The following WDR91 variants were observed in gnomAD, a reference collection of about 807,000 sequenced individuals.
The protein encoded by WDR91 is WD repeat-containing protein 91.
WDR91 carries 52 observed loss-of-function variants against 88.4 expected under a neutral mutation model. The observed-to-expected ratio is 0.59, with a 90% confidence interval of 0.47 to 0.74. The LOEUF is 0.74. Among genes scored for constraint, WDR91 ranks in the 30% least tolerant of loss-of-function variants. The probability of loss-of-function intolerance (pLI) is 0.00; values close to 1 mark genes in which losing one functional copy is unlikely to be tolerated. For synonymous variants in WDR91, 362 were observed against 389.5 expected (o/e 0.93, Z 0.83); for missense variants, 824 against 954.5 (o/e 0.86, Z 1.80).
Position 135,193,319 on chromosome 7 carries a change from T to G in WDR91, c.1571A>C (p.Asp524Ala). 1 of 1,614,176 alleles carries G rather than the reference T, an allele frequency of 6.2e-7. No individual in the cohort carries two copies. The highest frequency in any genetic ancestry group is 8.5e-7 in the Non-Finnish European group (1 of 1,180,030). ...AAAPSLTSQV[D>A]FSAPDIGSKG... ...GCTGCCGATGTCTGGTGCTGAGAAG[T>G]CCACCTGGGAAGTGAGGCTCGGAGC... is the stretch of plus-strand genomic sequence containing the variant. Residue 524 changes from aspartate to alanine, a missense_variant, in exon 11 of 15, where the codon GAC (aspartate) becomes GCC (alanine). Coordinates refer to ENST00000354475, the MANE Select transcript of WDR91 (RefSeq NM_014149.4).
At position 135,204,335 on chromosome 7, in the gene WDR91, C is replaced by A; in HGVS notation, c.824G>T (p.Arg275Met). 1 of 1,614,160 alleles carries A rather than the reference C, an allele frequency of 6.2e-7. No homozygotes were observed. Among genetic ancestry groups the A allele is most frequent in the Non-Finnish European group, 8.5e-7 (1 of 1,180,032 alleles). Residue 275 changes from arginine (R) to methionine (M), a missense_variant, in exon 6 of 15, where the codon AGG becomes ATG. Coordinates refer to ENST00000354475, the MANE Select transcript of WDR91 (RefSeq NM_014149.4). ...LLPQSKKSPS[R>M]LSPAQGPPQP... ...AGGAGGGCCCTGAGCAGGCGACAAC[C>A]TTGAGGGGCTCTTCTTACTCTGAGG...
At chr7:135,198,575 G>C (rs573126722) in intron 6 of WDR91, 1 of 157,334 alleles carries the variant, frequency 6.4e-6, no homozygotes, top group South Asian at 2.0e-4. Context: ...ATCACCTCTG[G>C]AGGGAAAAGG....
At chr7:135,187,680 T>A (rs143640320) in intron 13 of WDR91, among the ~76,000 whole-genome samples, 1 of 152,326 alleles carries the variant, frequency 6.6e-6, no homozygotes, top group Non-Finnish European at 1.5e-5. Context: ...GATGCCATTA[T>A]AAACTCAGCT....
chr7:135,202,695 A>T (rs1831616342), intron 6 of WDR91, among the ~76,000 whole-genome samples: 1 of 152,234 alleles, frequency 6.6e-6, no homozygotes, highest in Admixed American at 6.5e-5. Context: ...AGCTCATTTC[A>T]AAGGACTCAA....
intron 12 of WDR91, 33 bp from the exon 13 acceptor site, chr7:135,188,578 G>GGC: frequency 6.3e-7 from 1 of 1,577,054 alleles, no homozygotes. Context: ...CTCACATCCT[G>GGC]GCCAGGGCTC....
At chr7:135,208,433 G>A (rs1057011398) in intron 3 of WDR91, among the ~76,000 whole-genome samples, 17 of 152,102 alleles carry the variant, frequency 1.1e-4, no homozygotes, top group African/African-American at 3.6e-4. Flanking sequence ...TATATCCCCG[G>A]GAACACGTTT....
intron 7 of WDR91, chr7:135,197,147 T>C (rs1441977996): frequency 1.3e-5 from 2 of 151,780 alleles, no homozygotes; most frequent in Non-Finnish European, 2.9e-5. Flanking sequence ...GAGGAGGAGT[T>C]CAACAATAAA....
Position 135,211,504 on chromosome 7 carries a change from G to GT in WDR91, c.-3_-2insA. The GT allele has an allele frequency of 6.2e-7, 1 of 1,610,390 alleles. No homozygotes were observed. The highest frequency in any genetic ancestry group is 1.4e-5 in the African/African-American group (1 of 73,950). On this transcript the variant is annotated 5_prime_UTR_variant, in exon 1 of 15. Transcript: ENST00000354475. ...AGTGCGCTCCACGGCCTCCGCCATCGCAGCGCTAGCGTCTTTAGGGGTGGT... is the reference window on the plus strand; with the variant it reads ...AGTGCGCTCCACGGCCTCCGCCATCGTCAGCGCTAGCGTCTTTAGGGGTGGT...
chr7:135,204,664 A>C (rs1446931750), intron 5 of WDR91, among the ~76,000 whole-genome samples: 2 of 152,218 alleles, frequency 1.3e-5, no homozygotes, highest in Non-Finnish European at 2.9e-5. Flanking sequence ...GGTCACAGTA[A>C]ACTCAGAGCT....
intron 7 of WDR91, chr7:135,197,607 G>T (rs1831419474): frequency 6.0e-6 from 1 of 167,340 alleles, no homozygotes; most frequent in Non-Finnish European, 1.3e-5. Flanking sequence ...CTGTGACCAA[G>T]CAAGTCTGGG....
Position 135,193,534 on chromosome 7 carries a change from T to G in WDR91, c.1490+44A>C, listed in dbSNP as rs757173415. ...AAGGACCAGCCCCGCGGACCACACT[T>G]GGCAGCCTGCGGCCTTGATGGTGGG... is the stretch of plus-strand genomic sequence containing the variant. On this transcript the variant is annotated intron_variant, in intron 10 of 14. Transcript: ENST00000354475. 4 of 1,613,030 alleles carry G rather than the reference T, an allele frequency of 2.5e-6. No individual in the cohort carries two copies. The African/African-American group carries it at 4.0e-5, about 16-fold the overall frequency.
chr7:135,208,816 G>A lies in WDR91; in HGVS notation c.486C>T (p.Phe162=). The change falls in exon 3 of 15, where the codon TTC becomes TTT. Residue 162 remains phenylalanine, a synonymous_variant. Coordinates refer to ENST00000354475, the MANE Select transcript of WDR91 (RefSeq NM_014149.4). ...GCATGCACTGAAACAGGACGCTCAG[G>A]AAGTTGTGCAGGGACACAATGAAGG... is the stretch of plus-strand genomic sequence containing the variant. ...ADTFIVSLHN[F]LSVLFQCMPV... The A allele has an allele frequency of 6.2e-7, 1 of 1,611,930 alleles. No individual in the cohort carries two copies. The highest frequency in any genetic ancestry group is 8.5e-7 in the Non-Finnish European group (1 of 1,178,570).
Position 135,208,744 on chromosome 7 carries a change from T to C in WDR91, c.511+47A>G, listed in dbSNP as rs1395788946. On this transcript the variant is annotated intron_variant, in intron 3 of 14. Coordinates refer to ENST00000354475, the MANE Select transcript of WDR91 (RefSeq NM_014149.4). ...CCAGCGGGCTACTGATCCTGAGGTC[T>C]GGGTGCCTCAGGCTGGGCCTTCAGC... 8 of 1,507,602 alleles carry C rather than the reference T, an allele frequency of 5.3e-6. No homozygotes were observed. In the African/African-American group the frequency reaches 9.7e-5, roughly 18 times the overall value. The allele number at this position is 1,507,602 out of a possible 1,614,324, so 93.4% of individuals were successfully genotyped here. A position where few individuals can be genotyped will look rare whatever the true frequency, so the allele number is the denominator to read the frequency against.
chr7:135,195,581 T>C (rs1404329088), intron 8 of WDR91, among the ~76,000 whole-genome samples: 1 of 152,220 alleles, frequency 6.6e-6, no homozygotes, highest in Admixed American at 6.5e-5. Flanking sequence ...ATAAAGCAAA[T>C]TAAAATTGAG....
intron 13 of WDR91, 100 bp downstream of exon 13, chr7:135,188,333 A>G (rs1448315884): frequency 1.1e-6 from 1 of 875,484 alleles, no homozygotes; most frequent in East Asian, 2.4e-5. Flanking sequence ...CTGCAAAAAG[A>G]GGCCCCAGGT....
chr7:135,188,617 G>T, intron 12 of WDR91, 72 bp from the exon 13 acceptor site: 1 of 1,323,724 alleles, frequency 7.6e-7, no homozygotes, highest in Non-Finnish European at 1.1e-6. Flanking sequence ...GCAGCAGGAG[G>T]CCCCCTCACC....
chr7:135,208,443 T>G (rs1157600623), intron 3 of WDR91, among the ~76,000 whole-genome samples: 1 of 152,156 alleles, frequency 6.6e-6, no homozygotes, highest in Non-Finnish European at 1.5e-5. Context: ...GGAACACGTT[T>G]CATGCACAGA....
At position 135,186,699 on chromosome 7, in the gene WDR91, G is replaced by A. The variant is rs552039301; in HGVS notation, c.2079+273C>T. Among the ~76,000 whole-genome samples, 10 of 152,366 alleles carry A rather than the reference G, an allele frequency of 6.6e-5. No individual in the cohort carries two copies. In the South Asian group the frequency reaches 1.7e-3, roughly 25 times the overall value. On this transcript the variant is annotated intron_variant, in intron 14 of 14. Transcript: ENST00000354475. ...CCCATACTGGGGAATGCAAGCTGCA[G>A]GAGAGCAGGGCCTCGGGCAGCTCTC...
At chr7:135,201,333 T>C (rs1210030630) in intron 6 of WDR91, 2 of 139,204 alleles carry the variant, frequency 1.4e-5, no homozygotes, top group Non-Finnish European at 3.0e-5. Flanking sequence ...TTGGGAAGTG[T>C]GGTTTCGCAG....
Sources: allele counts gnomAD v4.1 joint callset (sites outside exome capture counted in the v4.1 genomes callset), GRCh38; gene constraint gnomAD v4.1.1; transcripts MANE v1.5; gene names NCBI Gene and HGNC (gene_info 2026-07-23, HGNC 2026-07-21).